The following RBPJ variants were observed in gnomAD, a reference collection of about 807,000 sequenced individuals.
RBPJ encodes the protein recombining binding protein suppressor of hairless.
Under a neutral mutation model 67.8 loss-of-function variants are expected in RBPJ, and 9 were observed. The observed-to-expected ratio is 0.13, with a 90% CI of 0.08 to 0.23. RBPJ has a LOEUF of 0.23. Ranked by LOEUF, RBPJ falls within the 10% of genes least tolerant of loss-of-function variation. The pLI, the probability that RBPJ is intolerant of heterozygous loss-of-function variation, is 1.00. For synonymous variants in RBPJ, 198 were observed against 203.3 expected (o/e 0.97, Z 0.22); for missense variants, 305 against 595.6 (o/e 0.51, Z 5.08).
intron 1 of RBPJ, among the ~76,000 whole-genome samples, chr4:26,261,496 T>A (rs16878215): frequency 6.6e-6 from 1 of 151,964 alleles, no homozygotes; most frequent in African/African-American, 2.4e-5. Context: ...AAAGTAAATA[T>A]CGGATAAAGG....
At chr4:26,157,083 A>C in the RBPJ span, among the ~76,000 whole-genome samples, 1 of 37,050 alleles carries the variant, frequency 2.7e-5, no homozygotes, top group Non-Finnish European at 7.6e-5. Context: ...TGTCAAAAAC[A>C]AACAAACAAA....
At chr4:26,164,863 A>C (rs142576379) in intron 1 of RBPJ, among the ~76,000 whole-genome samples, 4 of 152,188 alleles carry the variant, frequency 2.6e-5, no homozygotes, top group Non-Finnish European at 4.4e-5. Context: ...GGTTTTGTAG[A>C]CCACCAGAAG....
the RBPJ span, among the ~76,000 whole-genome samples, chr4:26,116,111 A>T: frequency 1.3e-5 from 2 of 152,258 alleles, no homozygotes; most frequent in Non-Finnish European, 2.9e-5. Flanking sequence ...TCATGTTCTC[A>T]TTCAATAAAA....
chr4:26,131,038 AT>A, the RBPJ span, among the ~76,000 whole-genome samples: 1 of 152,188 alleles, frequency 6.6e-6, no homozygotes, highest in African/African-American at 2.4e-5. Flanking sequence ...GTGAGGATTG[AT>A]TCTCCCATCT....
intron 1 of RBPJ, among the ~76,000 whole-genome samples, chr4:26,367,131 ATAAAT>A (rs1349091211): frequency 3.9e-5 from 6 of 152,152 alleles, no homozygotes; most frequent in Non-Finnish European, 7.4e-5. Flanking sequence ...TTTCAAAAAA[ATAAAT>A]TAATTAATAA....
At chr4:26,176,130 A>G (rs1226895175) in intron 1 of RBPJ, among the ~76,000 whole-genome samples, 3 of 152,258 alleles carry the variant, frequency 2.0e-5, no homozygotes, top group South Asian at 2.1e-4. Flanking sequence ...TACATGGGAC[A>G]TACTTAAACA....
rs151226153 is a variant in RBPJ, at chr4:26,309,966, T to C, written c.-166-52480T>C. On this transcript the variant is annotated intron_variant, in intron 1 of 4. Transcript: ENST00000512351. ...TTCACCAAATGTGCATTTGATTCCA[T>C]TCACGTTCCACATCACTAGAGTAAA... is the stretch of plus-strand genomic sequence containing the variant. Among the ~76,000 whole-genome samples, 201 of 152,344 alleles carry C rather than the reference T, an allele frequency of 1.3e-3. 2 individuals carry two copies. The highest frequency in any genetic ancestry group is 4.4e-3 in the African/African-American group (184 of 41,586).
chr4:26,191,210 T>G (rs6848465), intron 1 of RBPJ, among the ~76,000 whole-genome samples: 2,921 of 26,536 alleles, frequency 0.11, 180 homozygotes, highest in Admixed American at 0.15. Flanking sequence ...TATATATATA[T>G]AGAGAGAGAG....
Position 26,415,528 on chromosome 4 carries a change from A to T in RBPJ, c.209A>T (p.Lys70Ile), listed in dbSNP as rs1012414030. The T allele has an allele frequency of 2.5e-6, 4 of 1,613,436 alleles. No individual in the cohort carries two copies. The highest frequency in any genetic ancestry group is 3.3e-5 in the Admixed American group (2 of 59,890). ...VYLMGSGWKK[K>I]KEQMERDGCS... is the part of the protein sequence containing the mutation. Reference sequence around the variant, plus strand: ...CTTATGGGCAGTGGATGGAAGAAAAAAAAAGAACAAATGGAACGCGATGGT... The same window carrying T: ...CTTATGGGCAGTGGATGGAAGAAAATAAAAGAACAAATGGAACGCGATGGT... The change falls in exon 4 of 11, where the codon AAA becomes ATA. Residue 70 changes from lysine to isoleucine, a missense_variant. Lys to Ile is a moderately radical substitution (Grantham distance 102). Around this residue, in one of 7 missense-constraint regions of RBPJ, gnomAD observed 79 missense variants for 106.2 expected, o/e 0.74. Coordinates refer to ENST00000355476, the MANE Select transcript of RBPJ (RefSeq NM_015874.6).
rs112250892 is a variant in RBPJ, at chr4:26,359,507, TC to T, written c.21-26845del. Among the ~76,000 whole-genome samples, 10 of 151,042 alleles carry T rather than the reference TC, an allele frequency of 6.6e-5. 1 individual carries two copies. The highest frequency in any genetic ancestry group is 2.4e-4 in the African/African-American group (10 of 41,110). ...CCGACCCTCTTCCTCGGTTCTGGGC[TC>T]GGGTGGGGGTTCCCTTGGCAAACTG... is the stretch of plus-strand genomic sequence containing the variant. On this transcript the variant is annotated intron_variant, in intron 1 of 10. Coordinates refer to ENST00000355476, the MANE Select transcript of RBPJ (RefSeq NM_015874.6).
intron 1 of RBPJ, among the ~76,000 whole-genome samples, chr4:26,359,440 T>C (rs945681294): frequency 6.7e-6 from 1 of 150,084 alleles, no homozygotes; most frequent in Non-Finnish European, 1.5e-5. Flanking sequence ...TTTTAACATT[T>C]TGTTGTATTT....
At chr4:26,297,346 G>A (rs1314088502) in intron 1 of RBPJ, among the ~76,000 whole-genome samples, 1 of 138,702 alleles carries the variant, frequency 7.2e-6, no homozygotes, top group Non-Finnish European at 1.6e-5. Context: ...GTGTGTGTGT[G>A]TGTGTGTGTA....
chr4:26,146,159 A>G, the RBPJ span, among the ~76,000 whole-genome samples: 1 of 152,142 alleles, frequency 6.6e-6, no homozygotes, highest in African/African-American at 2.4e-5. Context: ...GTTGCCCAGG[A>G]TGGTCTCGAA....
the RBPJ span, among the ~76,000 whole-genome samples, chr4:26,151,919 T>A: frequency 6.6e-6 from 1 of 152,180 alleles, no homozygotes; most frequent in Non-Finnish European, 1.5e-5. Context: ...AACAAATATG[T>A]GGGACAGCTG....
At chr4:26,248,396 T>C (rs1477189048) in intron 1 of RBPJ, among the ~76,000 whole-genome samples, 1 of 152,244 alleles carries the variant, frequency 6.6e-6, no homozygotes, top group Non-Finnish European at 1.5e-5. Context: ...CATACAATCA[T>C]ATTGTATATA....
chr4:26,107,513 C>A, the RBPJ span, among the ~76,000 whole-genome samples: 2 of 152,214 alleles, frequency 1.3e-5, no homozygotes, highest in African/African-American at 4.8e-5. Context: ...TGGGAAACAG[C>A]GGATATTATA....
intron 1 of RBPJ, among the ~76,000 whole-genome samples, chr4:26,303,396 T>TGGAGAC (rs1722141035): frequency 3.5e-5 from 5 of 142,968 alleles, no homozygotes; most frequent in African/African-American, 5.2e-5. Context: ...GCCCAGGAGT[T>TGGAGAC]CAAGGCTACA....
At chr4:26,303,714 C>T (rs1370696393) in intron 1 of RBPJ, among the ~76,000 whole-genome samples, 3 of 151,934 alleles carry the variant, frequency 2.0e-5, no homozygotes, top group South Asian at 4.2e-4. Context: ...GAGGCCAAGG[C>T]GGGAGGATTG....
intron 1 of RBPJ, among the ~76,000 whole-genome samples, chr4:26,272,027 G>T (rs994283857): frequency 6.6e-6 from 1 of 152,204 alleles, no homozygotes; most frequent in African/African-American, 2.4e-5. Context: ...TCTTAAAAAT[G>T]TCTCCTGACT....
Sources: gnomAD v4.1 joint callset for allele counts (sites outside exome capture counted in the v4.1 genomes callset) on GRCh38, gnomAD v4.1.1 for gene constraint, gnomAD v4.1.1 regional missense constraint, MANE v1.5 for transcripts, NCBI Gene and HGNC (gene_info 2026-07-23, HGNC 2026-07-21) for gene names.